The following GABBR2 variants were observed in gnomAD, a reference collection of about 807,000 sequenced individuals.
GABBR2 encodes G-protein coupled receptor 51.
GABBR2 carries 23 observed loss-of-function variants against 105.6 expected under a neutral mutation model. That is an observed-to-expected ratio of 0.22 (90% CI 0.16 to 0.31). The LOEUF (loss-of-function observed/expected upper bound fraction) is 0.31. Ranked by LOEUF, GABBR2 falls within the 10% of genes least tolerant of loss-of-function variation. The probability of loss-of-function intolerance (pLI) is 1.00; values close to 1 mark genes in which losing one functional copy is unlikely to be tolerated. For synonymous variants in GABBR2, 478 were observed against 499.7 expected (o/e 0.96, Z 0.58); for missense variants, 734 against 1,245.5 (o/e 0.59, Z 6.18).
chr9:98,313,047 G>A (rs1246982109), intron 13 of GABBR2, among the ~76,000 whole-genome samples: 1 of 152,190 alleles, frequency 6.6e-6, no homozygotes, highest in Non-Finnish European at 1.5e-5. Context: ...ACCATGTCTG[G>A]CCTAGTATGT....
chr9:98,647,637 T>A (rs1258802770), intron 1 of GABBR2, among the ~76,000 whole-genome samples: 1 of 152,218 alleles, frequency 6.6e-6, no homozygotes, highest in African/African-American at 2.4e-5. Flanking sequence ...GAGTGCTGGA[T>A]GTACCAGTTT....
intron 1 of GABBR2, among the ~76,000 whole-genome samples, chr9:98,588,696 G>A (rs1400803065): frequency 2.6e-5 from 4 of 152,196 alleles, no homozygotes; most frequent in Non-Finnish European, 5.9e-5. Context: ...TCATATCCAT[G>A]TTCTGTTCTT....
At chr9:98,588,535 T>C (rs1410513741) in intron 1 of GABBR2, among the ~76,000 whole-genome samples, 1 of 152,206 alleles carries the variant, frequency 6.6e-6, no homozygotes, top group Non-Finnish European at 1.5e-5. Context: ...CCAACAACCC[T>C]ATGAACCATG....
chr9:98,361,349 T>G (rs973179414), intron 13 of GABBR2, among the ~76,000 whole-genome samples: 4 of 149,718 alleles, frequency 2.7e-5, no homozygotes, highest in African/African-American at 7.6e-5. Flanking sequence ...AGTTAACGCA[T>G]GATACCAGCT....
At position 98,290,576 on chromosome 9, in the gene GABBR2, T is replaced by C. The variant is rs2304391; in HGVS notation, c.*8A>G. The C allele has an allele frequency of 0.1, 143,345 of 1,368,814 alleles. 10,931 individuals carry two copies. Among genetic ancestry groups the C allele is most frequent in the African/African-American group, 0.38 (24,947 of 66,516 alleles). 84.8% of individuals were successfully genotyped at this position (1,368,814 alleles called of 1,614,324 possible). On this transcript the variant is annotated 3_prime_UTR_variant, in exon 19 of 19. Coordinates refer to ENST00000259455, the MANE Select transcript of GABBR2 (RefSeq NM_005458.8). ...ACGGGGGAGGCCCCGGGCCCAGGCC[T>C]CCCACCCTTACAGGCCCGAGACCAT...
chr9:98,534,918 T>TG (rs1828140802), intron 3 of GABBR2, among the ~76,000 whole-genome samples: 2 of 152,358 alleles, frequency 1.3e-5, no homozygotes, highest in South Asian at 4.2e-4. Flanking sequence ...CAAAAAATCC[T>TG]GCGCATGGAT....
At chr9:98,446,309 C>T (rs1826128209) in intron 7 of GABBR2, among the ~76,000 whole-genome samples, 1 of 152,122 alleles carries the variant, frequency 6.6e-6, no homozygotes, top group Non-Finnish European at 1.5e-5. Flanking sequence ...TTCTTAGGTA[C>T]TAAACATTAT....
chr9:98,705,654 C>T (rs775790820), intron 1 of GABBR2, among the ~76,000 whole-genome samples: 1 of 152,268 alleles, frequency 6.6e-6, no homozygotes, highest in South Asian at 2.1e-4. Flanking sequence ...ACACTAGCCA[C>T]AAACATTCTT....
chr9:98,457,431 G>A (rs987508926), intron 6 of GABBR2, among the ~76,000 whole-genome samples: 2 of 151,986 alleles, frequency 1.3e-5, no homozygotes, highest in Admixed American at 1.3e-4. Context: ...ATATAGTTTT[G>A]TTTTGTTTTG....
chr9:98,683,867 G>T (rs1256862317), intron 1 of GABBR2, among the ~76,000 whole-genome samples: 1 of 151,698 alleles, frequency 6.6e-6, no homozygotes, highest in Non-Finnish European at 1.5e-5. Flanking sequence ...AATTAGCCGG[G>T]CGTGGTGGCG....
chr9:98,301,760 A>G (rs1285717611), intron 16 of GABBR2, among the ~76,000 whole-genome samples: 2 of 152,212 alleles, frequency 1.3e-5, no homozygotes, highest in Non-Finnish European at 2.9e-5. Context: ...ATGCAGTGAC[A>G]TGGTCGTACT....
chr9:98,606,312 T>C (rs1156947139), intron 1 of GABBR2, among the ~76,000 whole-genome samples: 2 of 152,138 alleles, frequency 1.3e-5, no homozygotes, highest in Non-Finnish European at 2.9e-5. Flanking sequence ...CTGGGTCAAA[T>C]GGTATTTCTA....
intron 7 of GABBR2, among the ~76,000 whole-genome samples, chr9:98,436,009 G>A (rs1367366594): frequency 6.6e-6 from 1 of 151,506 alleles, no homozygotes; most frequent in African/African-American, 2.4e-5. Context: ...TGGGTACAGG[G>A]ATCACATCTG....
chr9:98,442,750 G>A (rs1336307562), intron 7 of GABBR2, among the ~76,000 whole-genome samples: 1 of 152,188 alleles, frequency 6.6e-6, no homozygotes, highest in Non-Finnish European at 1.5e-5. Flanking sequence ...CCTTCTGAGG[G>A]CTGTGAAGGA....
intron 6 of GABBR2, among the ~76,000 whole-genome samples, chr9:98,465,097 C>T (rs1406618288): frequency 1.9e-5 from 1 of 51,740 alleles, no homozygotes. Flanking sequence ...CTCTGAGAAA[C>T]ACCCAAGAAT....
intron 13 of GABBR2, among the ~76,000 whole-genome samples, chr9:98,340,122 G>A (rs1168977010): frequency 6.6e-6 from 1 of 151,974 alleles, no homozygotes; most frequent in East Asian, 1.9e-4. Context: ...GCTGCAGCTG[G>A]TTCTCAGTGG....
At chr9:98,574,712 A>T (rs1327061339) in intron 2 of GABBR2, among the ~76,000 whole-genome samples, 2 of 152,156 alleles carry the variant, frequency 1.3e-5, no homozygotes, top group Non-Finnish European at 2.9e-5. Context: ...TCTAGGTTGG[A>T]GGGCTGTCCT....
intron 3 of GABBR2, among the ~76,000 whole-genome samples, chr9:98,526,185 T>C (rs1019262780): frequency 6.6e-6 from 1 of 152,174 alleles, no homozygotes; most frequent in Non-Finnish European, 1.5e-5. Flanking sequence ...ACCCAAAACA[T>C]TCTCCAATAG....
intron 10 of GABBR2, among the ~76,000 whole-genome samples, chr9:98,387,793 AAAATAATT>A (rs1741953559): frequency 6.6e-6 from 1 of 151,676 alleles, no homozygotes; most frequent in Non-Finnish European, 1.5e-5. Context: ...TAAATTAATT[AAAATAATT>A]AATTAATTAA....
Sources: gnomAD v4.1 joint callset for allele counts (sites outside exome capture counted in the v4.1 genomes callset) on GRCh38, gnomAD v4.1.1 for gene constraint, MANE v1.5 for transcripts, NCBI Gene and HGNC (gene_info 2026-07-23, HGNC 2026-07-21) for gene names.